Variants in MCCC2 observed in about 807,000 individuals in gnomAD.
MCCC2 encodes the protein methylcrotonyl-CoA carboxylase subunit 2.
Under a neutral mutation model 77.2 loss-of-function variants are expected in MCCC2, and 52 were observed. That is an observed-to-expected ratio of 0.67 (90% confidence interval 0.54 to 0.85). The LOEUF (loss-of-function observed/expected upper bound fraction) is 0.85. MCCC2 is among the 40% of genes least tolerant of loss of function. The pLI is 0.00. For synonymous variants in MCCC2, 253 were observed against 248.4 expected (o/e 1.02, Z -0.18); for missense variants, 682 against 703.2 (o/e 0.97, Z 0.34).
intron 6 of MCCC2, among the ~76,000 whole-genome samples, chr5:71,612,056 G>C (rs772411574): frequency 2.6e-4 from 39 of 152,038 alleles, no homozygotes; most frequent in Middle Eastern, 3.4e-3. Flanking sequence ...CGCCCGCCTC[G>C]GCCTCCCAAA....
At chr5:71,627,975 C>T (rs1435292493) in intron 7 of MCCC2, among the ~76,000 whole-genome samples, 2 of 152,138 alleles carry the variant, frequency 1.3e-5, no homozygotes, top group African/African-American at 4.8e-5. Context: ...TCCCAAGTAG[C>T]TGGGATTACA....
At chr5:71,653,808 G>T (rs1460684348) in intron 16 of MCCC2, among the ~76,000 whole-genome samples, 1 of 148,670 alleles carries the variant, frequency 6.7e-6, no homozygotes, top group Non-Finnish European at 1.5e-5. Flanking sequence ...CCGAGATCAT[G>T]CCACTGTGCT....
At chr5:71,636,210 A>AT (rs766799313) in intron 10 of MCCC2, 1 of 311,050 alleles carries the variant, frequency 3.2e-6, no homozygotes, top group Non-Finnish European at 6.7e-6. Context: ...TGATGGATAT[A>AT]ATGTTCTGTT....
intron 3 of MCCC2, among the ~76,000 whole-genome samples, chr5:71,597,044 G>A (rs1215069537): frequency 2.0e-5 from 3 of 152,148 alleles, no homozygotes; most frequent in African/African-American, 4.8e-5. Context: ...TATAGGGCAA[G>A]TTGCAGTTTT....
At position 71,646,286 on chromosome 5, in the gene MCCC2, A is replaced by G; in HGVS notation, c.1216+9A>G. On this transcript the variant is annotated intron_variant, in intron 13 of 16. Coordinates refer to ENST00000340941, the MANE Select transcript of MCCC2 (RefSeq NM_022132.5). The stretch of plus-strand genomic sequence containing the variant: ...CCTTCAAAACATTACTGGTAAGAAA[A>G]TAGCTTAATCAGTTTGGTTGTATTG... The G allele has an allele frequency of 1.2e-6, 2 of 1,613,176 alleles. No individual in the cohort carries two copies. Among genetic ancestry groups the G allele is most frequent in the South Asian group, 1.1e-5 (1 of 91,044 alleles).
At chr5:71,636,093 C>A in intron 10 of MCCC2, 1 of 403,840 alleles carries the variant, frequency 2.5e-6, no homozygotes, top group Non-Finnish European at 5.0e-6. Flanking sequence ...AACATTTTCC[C>A]ATGTCTTTAG....
chr5:71,596,176 A>T (rs1745178892), intron 2 of MCCC2, 104 bp from the exon 3 acceptor site: 1 of 1,029,456 alleles, frequency 9.7e-7, no homozygotes, highest in African/African-American at 1.6e-5. Flanking sequence ...GATATGTTGA[A>T]CTTTTAAAAA....
At chr5:71,605,537 A>G (rs1745636594) in intron 6 of MCCC2, among the ~76,000 whole-genome samples, 1 of 149,536 alleles carries the variant, frequency 6.7e-6, no homozygotes, top group Non-Finnish European at 1.5e-5. Context: ...TTGCCTGTTC[A>G]CTCTGATGGT....
At chr5:71,643,733 A>G in intron 11 of MCCC2, 86 bp from the exon 12 acceptor site, 1 of 1,612,142 alleles carries the variant, frequency 6.2e-7, no homozygotes, top group Non-Finnish European at 8.5e-7. Flanking sequence ...TCTGATATTA[A>G]AGAATGTGTA....
intron 5 of MCCC2, 38 bp from the exon 6 acceptor site, chr5:71,604,318 T>A (rs753930335): frequency 6.5e-7 from 1 of 1,539,478 alleles, no homozygotes; most frequent in Non-Finnish European, 9.0e-7. Context: ...CACATTTAGT[T>A]CATAGAGATG....
intron 5 of MCCC2, chr5:71,602,838 T>C (rs899319266): frequency 2.9e-6 from 2 of 679,674 alleles, no homozygotes; most frequent in Non-Finnish European, 4.7e-6. Flanking sequence ...ATAATACTCA[T>C]ACATTTTGAC....
chr5:71,596,911 G>T (rs1745213496), intron 3 of MCCC2, among the ~76,000 whole-genome samples: 1 of 151,934 alleles, frequency 6.6e-6, no homozygotes. Flanking sequence ...CTGCACTCCA[G>T]CCTGGGTGAC....
chr5:71,646,084 GAA>G (rs1747266022), intron 12 of MCCC2, 125 bp from the exon 13 acceptor site: 2 of 732,852 alleles, frequency 2.7e-6, no homozygotes, highest in East Asian at 3.0e-5. Context: ...AAATTAATAA[GAA>G]GAGAAAAAAT....
intron 6 of MCCC2, among the ~76,000 whole-genome samples, chr5:71,608,802 G>A (rs1397977854): frequency 6.6e-6 from 1 of 152,144 alleles, no homozygotes; most frequent in Admixed American, 6.6e-5. Context: ...TGTCTGTAAA[G>A]GATTTTATTT....
At chr5:71,626,513 A>G (rs897354888) in intron 6 of MCCC2, 127 bp from the exon 7 acceptor site, 65 of 715,140 alleles carry the variant, frequency 9.1e-5, no homozygotes, top group Non-Finnish European at 1.5e-4. Context: ...TGTTTTTAAA[A>G]TGATGTTCAG....
intron 15 of MCCC2, among the ~76,000 whole-genome samples, chr5:71,650,940 C>T (rs1260395343): frequency 1.3e-5 from 2 of 152,130 alleles, no homozygotes; most frequent in African/African-American, 2.4e-5. Context: ...TGAGCCACCG[C>T]GCCCGGCCTA....
intron 10 of MCCC2, 85 bp from the exon 11 acceptor site, chr5:71,640,918 G>A: frequency 8.4e-7 from 1 of 1,189,120 alleles, no homozygotes; most frequent in African/African-American, 1.5e-5. Context: ...CAACTTCACT[G>A]TGAATTGTTT....
At chr5:71,648,198 T>G (rs533310144) in intron 13 of MCCC2, among the ~76,000 whole-genome samples, 1 of 152,194 alleles carries the variant, frequency 6.6e-6, no homozygotes, top group Non-Finnish European at 1.5e-5. Context: ...ATACTGGAGT[T>G]TGGCAAACCA....
At chr5:71,630,294 C>A (rs1470326937) in intron 7 of MCCC2, among the ~76,000 whole-genome samples, 2 of 152,108 alleles carry the variant, frequency 1.3e-5, no homozygotes, top group East Asian at 3.9e-4. Flanking sequence ...TTGAAAAAAA[C>A]AGATAGTAAG....
Sources: allele counts gnomAD v4.1 joint callset (sites outside exome capture counted in the v4.1 genomes callset), GRCh38; gene constraint gnomAD v4.1.1; transcripts MANE v1.5; gene names NCBI Gene and HGNC (gene_info 2026-07-23, HGNC 2026-07-21).